KALRN: variants seen among roughly 807,000 people sequenced by gnomAD.
The protein encoded by KALRN is kalirin.
KALRN carries 70 observed loss-of-function variants against 353.7 expected under a neutral mutation model. The observed-to-expected ratio is 0.20, with a 90% CI of 0.16 to 0.24. The LOEUF (loss-of-function observed/expected upper bound fraction) is 0.24, where lower values mean the gene tolerates loss of function less well. Ranked by LOEUF, KALRN falls within the 10% of genes least tolerant of loss-of-function variation. The pLI is 1.00. For missense variants in KALRN, 2,791 were observed against 3,756.7 expected (o/e 0.74, Z 6.72); for synonymous variants, 1,391 against 1,434.8 (o/e 0.97, Z 0.69).
At chr3:124,489,478 A>G (rs1168032369) in intron 29 of KALRN, among the ~76,000 whole-genome samples, 1 of 152,118 alleles carries the variant, frequency 6.6e-6, no homozygotes, top group Non-Finnish European at 1.5e-5. Flanking sequence ...TACGGTCTCC[A>G]TACTTCCCAG....
chr3:124,247,068 G>A (rs75492829), intron 3 of KALRN, among the ~76,000 whole-genome samples: 1,749 of 152,146 alleles, frequency 0.011, 34 homozygotes, highest in African/African-American at 0.04. Context: ...CTGATGTTTG[G>A]GGTTGAGTAT....
intron 33 of KALRN, 86 bp from the exon 34 acceptor site, chr3:124,562,757 G>T (rs2279784): frequency 8.5e-7 from 1 of 1,176,034 alleles, no homozygotes; most frequent in South Asian, 1.5e-5. Context: ...CACATCCTTC[G>T]TCCCCTCTCA....
chr3:124,327,634 A>G (rs1009411044), intron 7 of KALRN, among the ~76,000 whole-genome samples: 1 of 152,230 alleles, frequency 6.6e-6, no homozygotes, highest in Non-Finnish European at 1.5e-5. Context: ...AACATTTTCT[A>G]ACACACCACT....
chr3:124,501,997 C>A (rs1009178886), intron 33 of KALRN, among the ~76,000 whole-genome samples: 5 of 152,206 alleles, frequency 3.3e-5, no homozygotes, highest in African/African-American at 1.2e-4. Context: ...GCTAATGCTG[C>A]AACTGAAAGG....
intron 6 of KALRN, among the ~76,000 whole-genome samples, chr3:124,319,867 G>A (rs966495025): frequency 1.8e-4 from 28 of 151,900 alleles, no homozygotes; most frequent in African/African-American, 2.2e-4. Flanking sequence ...GGTGACATGC[G>A]CCTGTAATCG....
chr3:124,347,186 A>G lies in KALRN; in HGVS notation c.1691A>G (p.Lys564Arg). The G allele has an allele frequency of 6.2e-7, 1 of 1,613,798 alleles. No homozygotes were observed. The highest frequency in any genetic ancestry group is 8.5e-7 in the Non-Finnish European group (1 of 1,179,940). The part of the protein sequence containing the change: ...IENHGEAFLS[K>R]HTGVGKSLHR... ...AACCATGGTGAGGCCTTTCTCAGCA[A>G]ACACACTGGAGTTGGGAAGTCCCTA... The change falls in exon 10 of 60, where the codon AAA becomes AGA. Residue 564 changes from lysine (K) to arginine (R), a missense_variant. By Grantham distance (26) the Lys-to-Arg change is conservative. This residue lies in a region of KALRN where 15 missense variants were observed against 54.6 expected (regional missense o/e 0.27). Transcript: ENST00000682506.
intron 5 of KALRN, among the ~76,000 whole-genome samples, chr3:124,278,733 C>T (rs184525361): frequency 8.6e-4 from 131 of 151,952 alleles, no homozygotes; most frequent in African/African-American, 3.0e-3. Context: ...GCAAAGTATC[C>T]ACTTCTATTT....
chr3:124,059,891 A>T (rs2041859932), intron 1 of KALRN, among the ~76,000 whole-genome samples: 1 of 152,220 alleles, frequency 6.6e-6, no homozygotes, highest in African/African-American at 2.4e-5. Context: ...TTAAAAATTC[A>T]CATAGCCCCT....
At chr3:124,548,351 A>G (rs536956097) in intron 33 of KALRN, among the ~76,000 whole-genome samples, 1 of 152,234 alleles carries the variant, frequency 6.6e-6, no homozygotes, top group Non-Finnish European at 1.5e-5. Flanking sequence ...AGGGTCTGCC[A>G]TCTTGACTTT....
At chr3:124,265,836 C>T (rs945654365) in intron 4 of KALRN, among the ~76,000 whole-genome samples, 11 of 152,136 alleles carry the variant, frequency 7.2e-5, no homozygotes, top group Admixed American at 5.2e-4. Context: ...ACTGGCTGGG[C>T]GTGGTGATTC....
chr3:124,078,582 C>T (rs1167017626), intron 1 of KALRN, among the ~76,000 whole-genome samples: 2 of 151,854 alleles, frequency 1.3e-5, no homozygotes, highest in Admixed American at 6.6e-5. Flanking sequence ...ACGGGAGACA[C>T]TGAGGAGGAT....
Position 124,462,536 on chromosome 3 carries a change from G to A in KALRN, c.3934G>A (p.Glu1312Lys). 1 of 1,605,828 alleles carries A rather than the reference G, an allele frequency of 6.2e-7. No homozygotes were observed. Among genetic ancestry groups the A allele is most frequent in the Non-Finnish European group, 8.5e-7 (1 of 1,172,536 alleles). ...LHECLETYLW[E>K]MTSGVEEIPP... ...TACTGTCTTACAGACCTACCTGTGG[G>A]AAATGACCAGTGGTGTGGAGGAGAT... Residue 1312 changes from glutamate to lysine, a missense_variant, in exon 25 of 60, where the codon GAA (glutamate) becomes AAA (lysine). Physicochemically the swap from Glu to Lys is moderately conservative, Grantham distance 56. Coordinates refer to ENST00000682506, the MANE Select transcript of KALRN (RefSeq NM_001388419.1).
Position 124,405,546 on chromosome 3 carries a change from G to A in KALRN, c.2346+6675G>A, listed in dbSNP as rs2091421614. 2.0e-5 allele frequency among the ~76,000 whole-genome samples: 3 copies of A among 151,362 alleles called. No homozygotes were observed. The South Asian group carries it at 6.3e-4, about 32-fold the overall frequency. On this transcript the variant is annotated intron_variant, in intron 13 of 59. Coordinates refer to ENST00000682506, the MANE Select transcript of KALRN (RefSeq NM_001388419.1). The stretch of plus-strand genomic sequence containing the variant: ...TTCCACAAATCTCAAAATGATAAAA[G>A]GCAAAGGTATGGACACAAGTATAAA...
intron 1 of KALRN, among the ~76,000 whole-genome samples, chr3:124,115,481 G>A (rs2063368667): frequency 6.6e-6 from 1 of 152,114 alleles, no homozygotes; most frequent in African/African-American, 2.4e-5. Context: ...CTCTGTTTTG[G>A]GCGTCCGTCA....
chr3:124,637,803 A>G (rs2081532789), intron 37 of KALRN, among the ~76,000 whole-genome samples: 1 of 152,188 alleles, frequency 6.6e-6, no homozygotes, highest in Non-Finnish European at 1.5e-5. Context: ...ACCACAATAA[A>G]TTAAGAGAGT....
intron 1 of KALRN, among the ~76,000 whole-genome samples, chr3:124,068,997 C>T (rs4073611): frequency 0.6 from 90,493 of 152,036 alleles, 29,826 homozygotes; most frequent in Non-Finnish European, 0.75. Flanking sequence ...CTGCTTTGGT[C>T]TGTCTGGATG....
intron 3 of KALRN, 43 bp downstream of exon 3, chr3:124,234,986 C>A: frequency 7.0e-7 from 1 of 1,430,898 alleles, no homozygotes; most frequent in Non-Finnish European, 9.7e-7. Context: ...GGGAGGGGAG[C>A]TGGGCTGATG....
At chr3:124,274,464 T>G (rs2074486206) in intron 5 of KALRN, among the ~76,000 whole-genome samples, 1 of 152,210 alleles carries the variant, frequency 6.6e-6, no homozygotes, top group South Asian at 2.1e-4. Flanking sequence ...TAAAGGAAGC[T>G]CTACTGATGT....
intron 16 of KALRN, among the ~76,000 whole-genome samples, chr3:124,433,577 G>A (rs2093357094): frequency 7.8e-6 from 1 of 128,034 alleles, no homozygotes. Context: ...CAGCCTCGGT[G>A]ATAGATCAAG....
Sources: gnomAD v4.1 joint callset for allele counts (sites outside exome capture counted in the v4.1 genomes callset) on GRCh38, gnomAD v4.1.1 for gene constraint, gnomAD v4.1.1 regional missense constraint, MANE v1.5 for transcripts, NCBI Gene and HGNC (gene_info 2026-07-23, HGNC 2026-07-21) for gene names.